The following NTAQ1 variants were observed in gnomAD, a reference collection of about 807,000 sequenced individuals.
NTAQ1 encodes the protein N-terminal glutamine amidase 1.
In NTAQ1, 21 loss-of-function variants were observed where a neutral mutation model predicts 28.2. That is an observed-to-expected ratio of 0.74 (90% confidence interval 0.53 to 1.07). The LOEUF (loss-of-function observed/expected upper bound fraction) is 1.07. Among genes scored for constraint, NTAQ1 ranks in the 50% least tolerant of loss-of-function variants. The probability of loss-of-function intolerance (pLI) is 0.00; values close to 1 mark genes in which losing one functional copy is unlikely to be tolerated. For missense variants in NTAQ1, 264 were observed against 256.6 expected, an observed-to-expected ratio of 1.03 and a Z score of -0.20; for synonymous variants, 105 against 90.0, an observed-to-expected ratio of 1.17 and a Z score of -0.94.
chr8:123,441,417 C>T lies in NTAQ1; in HGVS notation c.*2C>T. The T allele has an allele frequency of 6.2e-7, 1 of 1,603,010 alleles. No homozygotes were observed. The highest frequency in any genetic ancestry group is 8.5e-7 in the Non-Finnish European group (1 of 1,174,376). On this transcript the variant is annotated 3_prime_UTR_variant, in exon 6 of 6. Transcript: ENST00000287387. ...CGGTTTGGCAGTAAAAACTGCTGAA[C>T]TTGGTCTCAAGATGTGGAACTGTGG...
intron 3 of NTAQ1, among the ~76,000 whole-genome samples, chr8:123,430,767 A>G (rs1321808240): frequency 6.6e-6 from 1 of 152,120 alleles, no homozygotes; most frequent in Non-Finnish European, 1.5e-5. Flanking sequence ...GGTGACAGAG[A>G]GAGACCCTGT....
exon 7 of NTAQ1, among the ~76,000 whole-genome samples, chr8:123,469,348 C>A (rs1444620803): frequency 2.0e-5 from 3 of 152,108 alleles, no homozygotes; most frequent in Admixed American, 2.0e-4. Flanking sequence ...TTTGAGTGAA[C>A]TTTAACATCT....
downstream of NTAQ1, among the ~76,000 whole-genome samples, chr8:123,473,589 C>T (rs565352550): frequency 6.6e-6 from 1 of 152,322 alleles, no homozygotes; most frequent in South Asian, 2.1e-4. Flanking sequence ...CCATGCCCGG[C>T]CTGTATTTTT....
At chr8:123,434,462 A>C (rs1372257441) in intron 3 of NTAQ1, among the ~76,000 whole-genome samples, 1 of 152,104 alleles carries the variant, frequency 6.6e-6, no homozygotes, top group Non-Finnish European at 1.5e-5. Flanking sequence ...CCCCATCTCT[A>C]CTAAAAATAC....
chr8:123,428,150 C>T (rs537355269), intron 2 of NTAQ1, 127 bp downstream of exon 2: 1 of 610,268 alleles, frequency 1.6e-6, no homozygotes, highest in South Asian at 3.0e-5. Context: ...TTATTAAATA[C>T]AGCAACATTT....
chr8:123,419,552 C>G (rs1813537257), intron 1 of NTAQ1, among the ~76,000 whole-genome samples: 1 of 152,176 alleles, frequency 6.6e-6, no homozygotes, highest in South Asian at 2.1e-4. Context: ...GTCAGCAGAG[C>G]ATTTCTGATT....
chr8:123,463,310 A>G lies in NTAQ1; in HGVS notation c.373-3769A>G, dbSNP rs549737722. ...GGTCTGTATTCAAACTTCTCCAGAT[A>G]TCCCCAAGATGTTCTTTATTGCTTT... On this transcript the variant is annotated intron_variant, in intron 6 of 6. Coordinates refer to the NTAQ1 transcript ENST00000650311. Among the ~76,000 whole-genome samples, 349 of 152,322 alleles carry G rather than the reference A, an allele frequency of 2.3e-3. 1 individual carries two copies. Among genetic ancestry groups the G allele is most frequent in the Non-Finnish European group, 3.7e-3 (252 of 68,026 alleles).
chr8:123,437,679 G>C (rs1403584511), intron 5 of NTAQ1, among the ~76,000 whole-genome samples: 2 of 150,568 alleles, frequency 1.3e-5, no homozygotes, highest in South Asian at 4.2e-4. Flanking sequence ...TTCCAGCCTG[G>C]GTGACAGAGT....
intron 3 of NTAQ1, among the ~76,000 whole-genome samples, chr8:123,433,482 C>T (rs927357164): frequency 4.6e-5 from 7 of 152,166 alleles, no homozygotes; most frequent in East Asian, 1.9e-4. Flanking sequence ...GATTCTTGCT[C>T]TGTTGCCCAG....
intron 1 of NTAQ1, among the ~76,000 whole-genome samples, chr8:123,419,081 G>GTTTTTTTTTT (rs762479894): frequency 2.5e-5 from 3 of 119,920 alleles, no homozygotes; most frequent in African/African-American, 3.4e-5. Flanking sequence ...AGCTTTGGGG[G>GTTTTTTTTTT]TTTTTTTTTT....
At chr8:123,448,882 G>A (rs924428231), downstream of NTAQ1, among the ~76,000 whole-genome samples, 2 of 152,198 alleles carry the variant, frequency 1.3e-5, no homozygotes, top group African/African-American at 4.8e-5. Context: ...GTCTTTGCTA[G>A]AGGAGAGAAA....
At chr8:123,435,905 C>T (rs964028351) in intron 3 of NTAQ1, among the ~76,000 whole-genome samples, 4 of 151,484 alleles carry the variant, frequency 2.6e-5, no homozygotes, top group African/African-American at 9.7e-5. Flanking sequence ...CCGTGGCTCA[C>T]ACCTGTAATC....
downstream of NTAQ1, among the ~76,000 whole-genome samples, chr8:123,445,083 A>G (rs1211274588): frequency 1.3e-5 from 2 of 152,206 alleles, no homozygotes; most frequent in Non-Finnish European, 2.9e-5. Flanking sequence ...GGTACCATGT[A>G]CATTGTACCA....
At position 123,437,324 on chromosome 8, in the gene NTAQ1, T is replaced by C. The variant is rs1244528724; in HGVS notation, c.498T>C (p.Ile166=). The change falls in exon 5 of 6, where the codon ATT becomes ATC. Residue 166 remains isoleucine (I), a synonymous_variant. Coordinates refer to ENST00000287387, the MANE Select transcript of NTAQ1 (RefSeq NM_018024.3). ...AGCCTCCGCCGCCATATCCCTGCAT[T>C]GAGACTGGAGGTGAGCCAAGATGCC... ...WREPPPPYPC[I]ETGDSKMNLN... The C allele has an allele frequency of 2.5e-6, 4 of 1,613,944 alleles. No individual in the cohort carries two copies. Among genetic ancestry groups the C allele is most frequent in the East Asian group, 4.5e-5 (2 of 44,894 alleles).
At chr8:123,455,012 A>T (rs774394972) in intron 6 of NTAQ1, 1 of 152,182 alleles carries the variant, frequency 6.6e-6, no homozygotes, top group Non-Finnish European at 1.5e-5. Flanking sequence ...TATTCAAGGG[A>T]GGGGAAAAGT....
At position 123,437,331 on chromosome 8, in the gene NTAQ1, G is replaced by A. The variant is rs1291901068; in HGVS notation, c.505G>A (p.Gly169Arg). The change falls in exon 5 of 6, where the codon GGA becomes AGA. Residue 169 changes from glycine (G) to arginine (R), a missense_variant. Gly to Arg is a moderately radical substitution (Grantham distance 125). Transcript: ENST00000287387. Reference sequence around the variant, plus strand: ...GCCGCCATATCCCTGCATTGAGACTGGAGGTGAGCCAAGATGCCTTCTCAG... The same window carrying A: ...GCCGCCATATCCCTGCATTGAGACTAGAGGTGAGCCAAGATGCCTTCTCAG... The part of the protein sequence containing the change: ...PPPPYPCIET[G>R]DSKMNLNDFI... The A allele has an allele frequency of 6.2e-7, 1 of 1,614,006 alleles. No individual in the cohort carries two copies. Among genetic ancestry groups the A allele is most frequent in the South Asian group, 1.1e-5 (1 of 91,070 alleles).
chr8:123,436,621 A>G lies in NTAQ1; in HGVS notation c.383+20A>G. On this transcript the variant is annotated intron_variant, in intron 4 of 5. Coordinates refer to ENST00000287387, the MANE Select transcript of NTAQ1 (RefSeq NM_018024.3). The stretch of plus-strand genomic sequence containing the variant: ...TAGGAGGTGAGGACATTCAAGATGG[A>G]TTTACTTATTTTCTGAAGTAAGAAT... The G allele has an allele frequency of 6.3e-7, 1 of 1,596,766 alleles. No homozygotes were observed.
exon 7 of NTAQ1, chr8:123,448,075 G>A (rs948773163): frequency 1.3e-5 from 2 of 152,170 alleles, no homozygotes; most frequent in African/African-American, 4.8e-5. Flanking sequence ...GAGTGACCTC[G>A]GAAGCTACTT....
chr8:123,447,585 A>G (rs1186569375), intron 6 of NTAQ1, among the ~76,000 whole-genome samples: 2 of 152,128 alleles, frequency 1.3e-5, no homozygotes, highest in Non-Finnish European at 1.5e-5. Flanking sequence ...TCACCAAGTC[A>G]CTAGCCAGTA....
Sources: gnomAD v4.1 joint callset for allele counts (sites outside exome capture counted in the v4.1 genomes callset) on GRCh38, gnomAD v4.1.1 for gene constraint, MANE v1.5 for transcripts, NCBI Gene and HGNC (gene_info 2026-07-23, HGNC 2026-07-21) for gene names.